Variants in SORL1 observed in about 807,000 individuals in gnomAD.
SORL1 encodes sortilin-related receptor.
Under a neutral mutation model 273.7 loss-of-function variants are expected in SORL1, and 127 were observed. That is an observed-to-expected ratio of 0.46 (90% CI 0.40 to 0.54). The LOEUF (loss-of-function observed/expected upper bound fraction) is 0.54. Among genes scored for constraint, SORL1 ranks in the 20% least tolerant of loss-of-function variants. The pLI is 0.00. For missense variants in SORL1, 2,494 were observed against 2,846.1 expected (o/e 0.88, Z 2.81); for synonymous variants, 1,031 against 1,067.4 (o/e 0.97, Z 0.66).
chr11:121,538,440 T>G (rs1251709022), intron 12 of SORL1, among the ~76,000 whole-genome samples: 2 of 152,216 alleles, frequency 1.3e-5, no homozygotes, highest in African/African-American at 4.8e-5. Context: ...GTATTTGGCT[T>G]CTTTTACTCA....
At position 121,495,763 on chromosome 11, in the gene SORL1, A is replaced by C. The variant is rs1406534300; in HGVS notation, c.759-1106A>C. Among the ~76,000 whole-genome samples the C allele has an allele frequency of 6.6e-5, 10 of 152,150 alleles. 1 individual carries two copies. ...TCACTGGCTCAGAAGTTCTTCTCCA[A>C]GGTAGTTTGGCCTGGTCATTCTATG... On this transcript the variant is annotated intron_variant, in intron 5 of 47. Transcript: ENST00000260197.
At chr11:121,487,603 A>G (rs1195557959) in intron 3 of SORL1, among the ~76,000 whole-genome samples, 2 of 152,202 alleles carry the variant, frequency 1.3e-5, no homozygotes, top group African/African-American at 2.4e-5. Flanking sequence ...TGGAGGATGC[A>G]GGGAGACTCA....
intron 46 of SORL1, chr11:121,626,573 T>C (rs983904912): frequency 3.9e-5 from 6 of 152,202 alleles, no homozygotes; most frequent in Non-Finnish European, 5.9e-5. Flanking sequence ...ATGAATACCC[T>C]GTCAGGGTGA....
At chr11:121,469,238 C>T (rs1200666897) in intron 1 of SORL1, among the ~76,000 whole-genome samples, 3 of 152,170 alleles carry the variant, frequency 2.0e-5, no homozygotes, top group Non-Finnish European at 4.4e-5. Flanking sequence ...TCACATTACA[C>T]CTGCTGGAAC....
intron 32 of SORL1, among the ~76,000 whole-genome samples, chr11:121,600,165 T>C (rs754907242): frequency 6.6e-6 from 1 of 152,252 alleles, no homozygotes; most frequent in Non-Finnish European, 1.5e-5. Context: ...TTCATTATTC[T>C]CAAGCAAATC....
chr11:121,620,376 G>A (rs1486975263), intron 43 of SORL1, among the ~76,000 whole-genome samples: 2 of 152,218 alleles, frequency 1.3e-5, no homozygotes, highest in Non-Finnish European at 1.5e-5. Context: ...ATTACTGTGT[G>A]TGGACCCTTA....
In SORL1 at chr11:121,563,171, C is replaced by T. The variant is rs1862704096; in HGVS notation, c.3049+3514C>T. Reference sequence around the variant, plus strand: ...ACTTTTAGTAAGTGGTAAGAATTTGCACTGTGGCCCGTTGACTTCAAAGCC... The same window carrying T: ...ACTTTTAGTAAGTGGTAAGAATTTGTACTGTGGCCCGTTGACTTCAAAGCC... On this transcript the variant is annotated intron_variant, in intron 21 of 47. Transcript: ENST00000260197. This position sits in a 1 kb window ranked among gnomAD's most constrained non-coding sequence, Gnocchi z 4.2. Among the ~76,000 whole-genome samples the T allele has an allele frequency of 6.6e-6, 1 of 152,160 alleles. No individual in the cohort carries two copies. Among genetic ancestry groups the T allele is most frequent in the Non-Finnish European group, 1.5e-5 (1 of 68,016 alleles).
At chr11:121,609,282 C>G (rs2134929742) in intron 38 of SORL1, 1 of 152,326 alleles carries the variant, frequency 6.6e-6, no homozygotes, top group Admixed American at 6.5e-5. Flanking sequence ...CCTTTGAGAT[C>G]AGGGCCCAAG....
intron 5 of SORL1, among the ~76,000 whole-genome samples, chr11:121,492,783 A>G (rs556478876): frequency 1.4e-5 from 2 of 146,596 alleles, no homozygotes; most frequent in Non-Finnish European, 3.0e-5. Flanking sequence ...GAGTTAGAAC[A>G]TCTTTTAATC....
At chr11:121,569,583 T>A (rs1213245495) in intron 22 of SORL1, among the ~76,000 whole-genome samples, 3 of 152,240 alleles carry the variant, frequency 2.0e-5, no homozygotes, top group African/African-American at 7.2e-5. Flanking sequence ...GTAGTGCTCC[T>A]AGGCTTATTA....
chr11:121,594,011 G>C (rs1863254833), intron 31 of SORL1, among the ~76,000 whole-genome samples: 2 of 152,138 alleles, frequency 1.3e-5, no homozygotes, highest in African/African-American at 4.8e-5. Context: ...GTTGGGCTGG[G>C]TTTGGCGTGC....
At chr11:121,498,541 A>G (rs2101756) in intron 6 of SORL1, among the ~76,000 whole-genome samples, 3,625 of 152,176 alleles carry the variant, frequency 0.024, 291 homozygotes, top group East Asian at 0.19. Context: ...CATTTCTCTT[A>G]ACCGGGTTAT....
intron 25 of SORL1, among the ~76,000 whole-genome samples, chr11:121,577,933 A>G (rs1862960346): frequency 6.6e-6 from 1 of 152,136 alleles, no homozygotes; most frequent in African/African-American, 2.4e-5. Context: ...ATTTTTATGA[A>G]TGAGTGGATG....
intron 8 of SORL1, among the ~76,000 whole-genome samples, chr11:121,519,849 C>T (rs970843651): frequency 5.9e-5 from 9 of 152,284 alleles, no homozygotes; most frequent in South Asian, 2.1e-4. Flanking sequence ...GTGACTCTTT[C>T]GTCAACTTTT....
chr11:121,558,340 A>G (rs1253563493), intron 19 of SORL1, among the ~76,000 whole-genome samples: 1 of 152,226 alleles, frequency 6.6e-6, no homozygotes, highest in African/African-American at 2.4e-5. Context: ...AGTTTAATAT[A>G]CATACATATA....
In SORL1 at chr11:121,583,538, G is replaced by T. The variant is rs754515497; in HGVS notation, c.3661G>T (p.Asp1221Tyr). The T allele has an allele frequency of 2.5e-6, 4 of 1,612,750 alleles. No homozygotes were observed. Among genetic ancestry groups the T allele is most frequent in the Admixed American group, 1.7e-5 (1 of 59,864 alleles). ...CIPQRWACDGDTDCQDGSDED... is the reference protein window; with the variant it reads ...CIPQRWACDGYTDCQDGSDED... ...CCCCCAGCGGTGGGCGTGTGACGGG[G>T]ATACGGACTGCCAGGATGGTTCCGA... The change falls in exon 26 of 48, where the codon GAT (aspartate) becomes TAT (tyrosine). Residue 1221 changes from aspartate (D) to tyrosine (Y), a missense_variant. This residue lies in a region of SORL1 where 1,609 missense variants were observed against 1,816.4 expected (regional missense o/e 0.89). Coordinates refer to ENST00000260197, the MANE Select transcript of SORL1 (RefSeq NM_003105.6).
At chr11:121,495,043 G>A (rs1435790429) in intron 5 of SORL1, among the ~76,000 whole-genome samples, 2 of 152,220 alleles carry the variant, frequency 1.3e-5, no homozygotes, top group South Asian at 4.1e-4. Context: ...CCAGATTGTA[G>A]GGCAAAACTC....
At position 121,596,643 on chromosome 11, in the gene SORL1, C is replaced by T. The variant is rs534837978; in HGVS notation, c.4519+871C>T. On this transcript the variant is annotated intron_variant, in intron 32 of 47. Coordinates refer to ENST00000260197, the MANE Select transcript of SORL1 (RefSeq NM_003105.6). This position sits in a 1 kb window ranked among gnomAD's most constrained non-coding sequence, Gnocchi z 4.3. Reference sequence around the variant, plus strand: ...TCTCCTGCTGGCTGCAGACAGCAGACGTCCTAGCCAGTCACACTCCCTTCC... The same window carrying T: ...TCTCCTGCTGGCTGCAGACAGCAGATGTCCTAGCCAGTCACACTCCCTTCC... Among the ~76,000 whole-genome samples the T allele has an allele frequency of 7.2e-5, 11 of 152,126 alleles. No homozygotes were observed. The highest frequency in any genetic ancestry group is 1.0e-4 in the Non-Finnish European group (7 of 68,024).
chr11:121,511,653 G>A (rs985764893), intron 6 of SORL1, among the ~76,000 whole-genome samples: 9 of 152,048 alleles, frequency 5.9e-5, no homozygotes, highest in African/African-American at 9.7e-5. Context: ...GCAGTCTTTC[G>A]TACCTCTCTG....
Sources: gnomAD v4.1 joint callset for allele counts (sites outside exome capture counted in the v4.1 genomes callset) on GRCh38, gnomAD v4.1.1 for gene constraint, gnomAD v4.1.1 regional missense constraint, Gnocchi (gnomAD v3.1) non-coding constraint, MANE v1.5 for transcripts, NCBI Gene and HGNC (gene_info 2026-07-23, HGNC 2026-07-21) for gene names.